Variants in CNTLN observed in about 807,000 individuals in gnomAD.
CNTLN encodes the protein centlein, also known as centlein, centrosomal protein.
In CNTLN, 212 loss-of-function variants were observed where a neutral mutation model predicts 180.0. That is an observed-to-expected ratio of 1.18 (90% CI 1.05 to 1.32). CNTLN has a LOEUF of 1.32. CNTLN is among the 40% of genes most tolerant of loss of function. The pLI, the probability that CNTLN is intolerant of heterozygous loss-of-function variation, is 0.00. For missense variants in CNTLN, 2,095 were observed against 1,610.9 expected (o/e 1.30, Z -5.14); for synonymous variants, 722 against 563.1 (o/e 1.28, Z -3.99).
At chr9:17,517,866 A>G in the CNTLN span, among the ~76,000 whole-genome samples, 941 of 152,090 alleles carry the variant, frequency 6.2e-3, 6 homozygotes, top group African/African-American at 0.021. Flanking sequence ...TTTCAGCATG[A>G]TCAGTTACCT....
chr9:17,280,903 C>G (rs1316333038), intron 6 of CNTLN, among the ~76,000 whole-genome samples: 2 of 152,128 alleles, frequency 1.3e-5, no homozygotes, highest in African/African-American at 4.8e-5. Flanking sequence ...ATCTGGTAGG[C>G]TGATGTAGCA....
chr9:17,482,260 A>T (rs1036506289), intron 23 of CNTLN, among the ~76,000 whole-genome samples: 10 of 152,324 alleles, frequency 6.6e-5, no homozygotes, highest in Middle Eastern at 3.4e-3. Flanking sequence ...AATTAGAGGT[A>T]TAAAGATTTA....
intron 5 of CNTLN, among the ~76,000 whole-genome samples, chr9:17,267,170 C>T (rs1005824823): frequency 1.3e-5 from 2 of 152,214 alleles, no homozygotes; most frequent in South Asian, 2.1e-4. Flanking sequence ...TTTGCAGTGG[C>T]TGGTACCGGT....
At chr9:17,209,627 G>T (rs78069924) in intron 2 of CNTLN, among the ~76,000 whole-genome samples, 1 of 152,126 alleles carries the variant, frequency 6.6e-6, no homozygotes, top group African/African-American at 2.4e-5. Flanking sequence ...AATTATAATT[G>T]TTATAGCCTC....
chr9:17,451,099 C>T lies in CNTLN; in HGVS notation c.3115-6425C>T, dbSNP rs191195004. Among the ~76,000 whole-genome samples, 174 of 152,144 alleles carry T rather than the reference C, an allele frequency of 1.1e-3. 1 individual carries two copies. The highest frequency in any genetic ancestry group is 4.0e-3 in the African/African-American group (166 of 41,524). On this transcript the variant is annotated intron_variant, in intron 18 of 25. Coordinates refer to ENST00000380647, the MANE Select transcript of CNTLN (RefSeq NM_017738.4). ...CTGGACAGCATGCAGAATTTTATTT[C>T]TTTCAGTTTTATCCCCTTTAAAAGT...
chr9:17,377,424 C>T (rs941806896), intron 13 of CNTLN, among the ~76,000 whole-genome samples: 28 of 152,016 alleles, frequency 1.8e-4, no homozygotes, highest in African/African-American at 5.6e-4. Flanking sequence ...GCTTGTAATC[C>T]CAGCTACCTG....
chr9:17,328,817 T>C (rs997637635), intron 8 of CNTLN, among the ~76,000 whole-genome samples: 3 of 152,148 alleles, frequency 2.0e-5, no homozygotes, highest in African/African-American at 4.8e-5. Context: ...ATTGTGAAGT[T>C]CTCTGATTTT....
intron 2 of CNTLN, among the ~76,000 whole-genome samples, chr9:17,207,026 T>C (rs1381368208): frequency 6.6e-6 from 1 of 152,082 alleles, no homozygotes; most frequent in Non-Finnish European, 1.5e-5. Flanking sequence ...GCCCAGGCTG[T>C]TGCTTCCCAG....
chr9:17,161,753 C>G (rs1269982932), intron 2 of CNTLN, among the ~76,000 whole-genome samples: 1 of 152,184 alleles, frequency 6.6e-6, no homozygotes, highest in Non-Finnish European at 1.5e-5. Context: ...CAACAATGTG[C>G]TGTCCTGCAT....
chr9:17,174,018 C>A (rs1587002693), intron 2 of CNTLN, among the ~76,000 whole-genome samples: 2 of 152,172 alleles, frequency 1.3e-5, no homozygotes, highest in South Asian at 4.1e-4. Context: ...TTTGTAAATC[C>A]TGGCAGCTGC....
At chr9:17,351,401 C>A (rs1822351722) in intron 12 of CNTLN, among the ~76,000 whole-genome samples, 1 of 152,318 alleles carries the variant, frequency 6.6e-6, no homozygotes, top group Admixed American at 6.5e-5. Context: ...GTCTACACAA[C>A]ATCTCCTTTT....
chr9:17,303,569 A>G (rs985941964), intron 7 of CNTLN, among the ~76,000 whole-genome samples: 1 of 152,012 alleles, frequency 6.6e-6, no homozygotes, highest in Non-Finnish European at 1.5e-5. Context: ...TTCTCCTCAA[A>G]AATGTAGTAG....
chr9:17,490,823 C>T (rs974431246), intron 25 of CNTLN, among the ~76,000 whole-genome samples: 2 of 151,962 alleles, frequency 1.3e-5, no homozygotes, highest in African/African-American at 4.8e-5. Context: ...TAATAAATTG[C>T]TTATTTCACG....
At position 17,135,281 on chromosome 9, in the gene CNTLN, A is replaced by T; in HGVS notation, c.216A>T (p.Ala72=). The T allele has an allele frequency of 6.2e-7, 1 of 1,601,220 alleles. No individual in the cohort carries two copies. Among genetic ancestry groups the T allele is most frequent in the East Asian group, 2.3e-5 (1 of 44,436 alleles). ...GSGGRRGPGG[A]APAHAPLLSA... is the part of the protein sequence containing the mutation. Reference sequence around the variant, plus strand: ...GGGGCCGGCGAGGGCCTGGGGGGGCAGCTCCGGCTCATGCTCCCCTCCTCA... The same window carrying T: ...GGGGCCGGCGAGGGCCTGGGGGGGCTGCTCCGGCTCATGCTCCCCTCCTCA... Residue 72 remains alanine (A), a synonymous_variant, in exon 1 of 26, where the codon GCA becomes GCT. Coordinates refer to ENST00000380647, the MANE Select transcript of CNTLN (RefSeq NM_017738.4).
chr9:17,347,958 A>C (rs1822047418), intron 12 of CNTLN, among the ~76,000 whole-genome samples: 1 of 151,994 alleles, frequency 6.6e-6, no homozygotes, highest in Non-Finnish European at 1.5e-5. Flanking sequence ...CAGCCTCCTG[A>C]GTAGCTGGGG....
At chr9:17,496,713 C>T (rs888422722) in intron 25 of CNTLN, among the ~76,000 whole-genome samples, 31 of 152,286 alleles carry the variant, frequency 2.0e-4, no homozygotes, top group Non-Finnish European at 2.9e-5. Context: ...CCCCCAAATT[C>T]TTTCTTTAAT....
chr9:17,348,130 A>G (rs185143208), intron 12 of CNTLN, among the ~76,000 whole-genome samples: 93 of 152,090 alleles, frequency 6.1e-4, no homozygotes, highest in African/African-American at 2.0e-3. Context: ...TGCGCCCACC[A>G]AAACCCATTT....
In CNTLN at chr9:17,298,311, C is replaced by T; in HGVS notation, c.1105C>T (p.Gln369Ter). Residue 369 changes from glutamine to a stop codon, truncating the protein, a stop_gained, in exon 7 of 26, where the codon CAG becomes TAG. Coordinates refer to ENST00000380647, the MANE Select transcript of CNTLN (RefSeq NM_017738.4). LOFTEE classifies it high-confidence loss of function. ...GGACACACAAAAAGTACTGAGAAAT[C>T]AGGAAGATGTTCACACAGCTGAAAG... ...NMDTQKVLRN[Q>*]EDVHTAESIS... The T allele has an allele frequency of 6.2e-7, 1 of 1,613,032 alleles. No individual in the cohort carries two copies. Among genetic ancestry groups the T allele is most frequent in the Non-Finnish European group, 8.5e-7 (1 of 1,179,670 alleles).
chr9:17,237,842 G>A (rs943525209), intron 5 of CNTLN, among the ~76,000 whole-genome samples: 2 of 152,056 alleles, frequency 1.3e-5, no homozygotes, highest in African/African-American at 4.8e-5. Flanking sequence ...ATTATTTATG[G>A]AAATATTTAA....
Sources: gnomAD v4.1 joint callset for allele counts (sites outside exome capture counted in the v4.1 genomes callset) on GRCh38, gnomAD v4.1.1 for gene constraint, MANE v1.5 for transcripts, NCBI Gene and HGNC (gene_info 2026-07-23, HGNC 2026-07-21) for gene names.